PDE11A: variants seen among roughly 807,000 people sequenced by gnomAD.
PDE11A encodes the protein dual 3',5'-cyclic-AMP and -GMP phosphodiesterase 11A.
PDE11A carries 100 observed loss-of-function variants against 100.5 expected under a neutral mutation model. That is an observed-to-expected ratio of 1.00 (90% CI 0.85 to 1.18). The LOEUF (loss-of-function observed/expected upper bound fraction) is 1.18. Ranked by LOEUF, PDE11A falls within the 50% of genes most tolerant of loss-of-function variation. PDE11A has a pLI of 0.00. For missense variants in PDE11A, 1,141 were observed against 1,152.6 expected (o/e 0.99, Z 0.15); for synonymous variants, 381 against 420.8 (o/e 0.91, Z 1.16).
chr2:177,885,729 G>A (rs1035975971), intron 4 of PDE11A, among the ~76,000 whole-genome samples: 6 of 152,100 alleles, frequency 3.9e-5, no homozygotes, highest in African/African-American at 1.4e-4. Flanking sequence ...CAGAACAATC[G>A]GAGGATGCTC....
intron 19 of PDE11A, among the ~76,000 whole-genome samples, chr2:177,642,576 G>A (rs554563005): frequency 2.6e-5 from 4 of 152,300 alleles, no homozygotes; most frequent in South Asian, 2.1e-4. Flanking sequence ...CCCAATACAC[G>A]TTTTAATTTA....
chr2:177,913,121 A>G (rs1381944607), intron 2 of PDE11A, among the ~76,000 whole-genome samples: 2 of 152,200 alleles, frequency 1.3e-5, no homozygotes, highest in Admixed American at 1.3e-4. Flanking sequence ...AATATACCTC[A>G]AGAAAGTTTT....
intron 10 of PDE11A, among the ~76,000 whole-genome samples, chr2:177,751,359 A>T (rs967680867): frequency 2.0e-5 from 3 of 152,132 alleles, no homozygotes; most frequent in Non-Finnish European, 4.4e-5. Flanking sequence ...TACACCTGCC[A>T]CTATACCAAC....
intron 4 of PDE11A, among the ~76,000 whole-genome samples, chr2:177,883,034 TC>T (rs2084368539): frequency 6.6e-6 from 1 of 151,996 alleles, no homozygotes; most frequent in African/African-American, 2.4e-5. Flanking sequence ...CTTTGGGAAG[TC>T]AAGGTGGGTA....
intron 2 of PDE11A, among the ~76,000 whole-genome samples, chr2:178,001,682 T>A (rs571491819): frequency 3.9e-5 from 6 of 152,314 alleles, no homozygotes; most frequent in African/African-American, 1.4e-4. Flanking sequence ...TGTTTAATCC[T>A]GCCACTGGGT....
At chr2:177,900,228 T>G (rs1489771724) in intron 3 of PDE11A, among the ~76,000 whole-genome samples, 1 of 152,188 alleles carries the variant, frequency 6.6e-6, no homozygotes, top group Admixed American at 6.5e-5. Flanking sequence ...GAAAATTACA[T>G]AGTCAGTGAA....
intron 2 of PDE11A, among the ~76,000 whole-genome samples, chr2:177,947,065 G>A (rs1296741999): frequency 1.1e-5 from 1 of 87,098 alleles, no homozygotes; most frequent in Non-Finnish European, 2.5e-5. Context: ...GGTGAGGGGC[G>A]CCTCTGCCCG....
At chr2:178,035,593 C>T (rs2086603064) in intron 1 of PDE11A, among the ~76,000 whole-genome samples, 1 of 152,146 alleles carries the variant, frequency 6.6e-6, no homozygotes, top group Admixed American at 6.5e-5. Context: ...ATTTTCAGGC[C>T]AATGTCCCTG....
At chr2:177,816,762 G>A in intron 9 of PDE11A, 67 bp downstream of exon 9, 1 of 886,158 alleles carries the variant, frequency 1.1e-6, no homozygotes, top group Non-Finnish European at 1.9e-6. Context: ...CCCATAACCA[G>A]GGAAATTTTT....
intron 2 of PDE11A, among the ~76,000 whole-genome samples, chr2:177,927,588 C>T (rs79784899): frequency 0.062 from 9,416 of 152,226 alleles, 349 homozygotes; most frequent in South Asian, 0.15. Context: ...TCCAGAAAAA[C>T]ACATTTTCCA....
rs906234947 is a variant in PDE11A at position 177,812,270 on chromosome 2, G to A, written c.1737+4559C>T. 2.0e-5 allele frequency among the ~76,000 whole-genome samples: 3 copies of A among 151,952 alleles called. No individual in the cohort carries two copies. In the South Asian group the frequency reaches 6.2e-4, roughly 32 times the overall value. On this transcript the variant is annotated intron_variant, in intron 9 of 19. Coordinates refer to ENST00000286063, the MANE Select transcript of PDE11A (RefSeq NM_016953.4). ...CATATGAATAAAACAAGATTGAGAG[G>A]TTAAGTAGCTTGCCCAAGGTCAATA...
chr2:177,918,620 A>C (rs978530582), intron 2 of PDE11A, among the ~76,000 whole-genome samples: 1 of 152,210 alleles, frequency 6.6e-6, no homozygotes, highest in Non-Finnish European at 1.5e-5. Flanking sequence ...ATACTAAAAC[A>C]GAAGTGATCA....
intron 19 of PDE11A, among the ~76,000 whole-genome samples, chr2:177,637,123 A>G (rs1018026468): frequency 1.3e-5 from 2 of 152,256 alleles, no homozygotes; most frequent in African/African-American, 4.8e-5. Context: ...CGGGGCCTAA[A>G]GGCCATTATC....
Position 178,104,478 on chromosome 2 carries a change from T to G in PDE11A, c.-13-2A>C. On this transcript the variant is annotated splice_acceptor_variant, in intron 1 of 20. Transcript: ENST00000358450. LOFTEE classifies it low-confidence loss of function (5UTR_SPLICE). Reference sequence around the variant, plus strand: ...TGCTTCAGCATCTCCCATGTTGCTCTGCAATGGAACATTAAAACCACAAAC... The same window carrying G: ...TGCTTCAGCATCTCCCATGTTGCTCGGCAATGGAACATTAAAACCACAAAC... 1 of 1,613,252 alleles carries G rather than the reference T, an allele frequency of 6.2e-7. No individual in the cohort carries two copies. Among genetic ancestry groups the G allele is most frequent in the East Asian group, 2.2e-5 (1 of 44,852 alleles).
chr2:178,027,374 T>A (rs980472338), intron 1 of PDE11A, among the ~76,000 whole-genome samples: 6 of 152,178 alleles, frequency 3.9e-5, no homozygotes, highest in African/African-American at 1.2e-4. Context: ...AAAATTAGCA[T>A]AATTTCCTAA....
Position 177,627,258 on chromosome 2 carries a change from G to C in PDE11A, c.*2149C>G, listed in dbSNP as rs950832420. 6.6e-6 allele frequency: 1 copy of C among 151,072 alleles called. No individual in the cohort carries two copies. Among genetic ancestry groups the C allele is most frequent in the African/African-American group, 2.4e-5 (1 of 41,102 alleles). The allele number at this position is 151,072 out of a possible 1,614,324, so 9.4% of individuals were successfully genotyped here. On this transcript the variant is annotated 3_prime_UTR_variant, in exon 20 of 20. Coordinates refer to ENST00000286063, the MANE Select transcript of PDE11A (RefSeq NM_016953.4). ...TCACCGTGTTAGCCAGGACGGTCTC[G>C]ATCTCCTGACCTCGTGATCCGCCCG...
intron 9 of PDE11A, among the ~76,000 whole-genome samples, chr2:177,809,634 G>C (rs2082919797): frequency 6.6e-6 from 1 of 152,204 alleles, no homozygotes; most frequent in Non-Finnish European, 1.5e-5. Context: ...GAGATAAGGT[G>C]AAGTGAGGAA....
chr2:177,684,669 A>G (rs1400749885), intron 15 of PDE11A, among the ~76,000 whole-genome samples: 1 of 152,222 alleles, frequency 6.6e-6, no homozygotes, highest in African/African-American at 2.4e-5. Flanking sequence ...GAGTTATAGT[A>G]ATGGGATCTG....
chr2:178,093,994 T>C (rs2087457064), intron 2 of PDE11A, among the ~76,000 whole-genome samples: 1 of 152,318 alleles, frequency 6.6e-6, no homozygotes, highest in East Asian at 1.9e-4. Flanking sequence ...GTATATGTTA[T>C]CGCTAATATA....
Sources: allele counts gnomAD v4.1 joint callset (sites outside exome capture counted in the v4.1 genomes callset), GRCh38; gene constraint gnomAD v4.1.1; transcripts MANE v1.5; gene names NCBI Gene and HGNC (gene_info 2026-07-23, HGNC 2026-07-21).